XKR9: variants seen among roughly 807,000 people sequenced by gnomAD.
The protein encoded by XKR9 is XK related 9.
In XKR9, 32 loss-of-function variants were observed where a neutral mutation model predicts 32.0. The ratio of observed to expected loss-of-function variants is 1.00; its 90% confidence interval spans 0.76 to 1.34. The LOEUF (loss-of-function observed/expected upper bound fraction) is 1.34. Among genes scored for constraint, XKR9 ranks in the 40% most tolerant of loss-of-function variants. The probability of loss-of-function intolerance (pLI) is 0.00; values close to 1 mark genes in which losing one functional copy is unlikely to be tolerated. For missense variants in XKR9, 546 were observed against 429.7 expected, an observed-to-expected ratio of 1.27 and a Z score of -2.39; for synonymous variants, 168 against 143.4, an observed-to-expected ratio of 1.17 and a Z score of -1.22.
At chr8:70,686,304 C>T (rs911240562) in intron 3 of XKR9, among the ~76,000 whole-genome samples, 3 of 146,998 alleles carry the variant, frequency 2.0e-5, no homozygotes, top group Non-Finnish European at 4.5e-5. Flanking sequence ...TGCAGTGGTG[C>T]GGTCACAGGT....
chr8:70,734,417 T>G lies in XKR9; in HGVS notation c.1115T>G (p.Met372Arg). ...GAATGTAGAATGAGATATTTCCTAA[T>G]GGAATAAGCTATTCATTTATGATAT... ...LRECRMRYFL[M>R]E Residue 372 changes from methionine to arginine, a missense_variant, in exon 5 of 5, where the codon ATG becomes AGG. By Grantham distance (91) the Met-to-Arg change is moderately conservative. Coordinates refer to ENST00000408926, the MANE Select transcript of XKR9 (RefSeq NM_001011720.2). 6.4e-7 allele frequency: 1 copy of G among 1,557,720 alleles called. No individual in the cohort carries two copies. The highest frequency in any genetic ancestry group is 1.4e-5 in the African/African-American group (1 of 72,632).
the XKR9 span, among the ~76,000 whole-genome samples, chr8:70,870,493 T>C: frequency 6.6e-6 from 1 of 152,184 alleles, no homozygotes; most frequent in Non-Finnish European, 1.5e-5. Flanking sequence ...TTTCTTTGCT[T>C]CTTGTTGTTG....
At chr8:70,992,934 G>T in the XKR9 span, among the ~76,000 whole-genome samples, 1 of 152,186 alleles carries the variant, frequency 6.6e-6, no homozygotes, top group African/African-American at 2.4e-5. Context: ...CTGACAGAGG[G>T]TTTCTCCTGC....
rs1400066249 is a variant in XKR9, at chr8:70,734,371, G to C, written c.1069G>C (p.Asp357His). 2 of 1,609,578 alleles carry C rather than the reference G, an allele frequency of 1.2e-6. No individual in the cohort carries two copies. Among genetic ancestry groups the C allele is most frequent in the Admixed American group, 1.7e-5 (1 of 59,664 alleles). The part of the protein sequence containing the change: ...RSAETKCDEI[D>H]GKPVLRECRM... Reference sequence around the variant, plus strand: ...TGCAGAAACAAAATGTGATGAAATTGATGGAAAACCAGTTCTAAGAGAATG... The same window carrying C: ...TGCAGAAACAAAATGTGATGAAATTCATGGAAAACCAGTTCTAAGAGAATG... Residue 357 changes from aspartate (D) to histidine (H), a missense_variant, in exon 5 of 5, where the codon GAT (aspartate) becomes CAT (histidine). Asp to His is a moderately conservative substitution (Grantham distance 81). Transcript: ENST00000408926.
chr8:70,723,583 T>A (rs1212404921), intron 4 of XKR9, among the ~76,000 whole-genome samples: 1 of 152,214 alleles, frequency 6.6e-6, no homozygotes, highest in African/African-American at 2.4e-5. Context: ...CTTCTTCAGA[T>A]CTGCTGGAGT....
chr8:70,783,899 G>A (rs1807648725), intron 2 of XKR9, among the ~76,000 whole-genome samples: 1 of 152,080 alleles, frequency 6.6e-6, no homozygotes, highest in Non-Finnish European at 1.5e-5. Context: ...TTTGAGATAA[G>A]GGTTCAATTT....
At chr8:71,065,199 T>C in the XKR9 span, among the ~76,000 whole-genome samples, 1 of 152,138 alleles carries the variant, frequency 6.6e-6, no homozygotes, top group Non-Finnish European at 1.5e-5. Flanking sequence ...ATTTCATATA[T>C]TGGAGTCCTA....
the XKR9 span, among the ~76,000 whole-genome samples, chr8:70,867,865 G>T: frequency 6.6e-5 from 10 of 152,204 alleles, no homozygotes; most frequent in African/African-American, 2.4e-4. Context: ...TCAAGAGCAG[G>T]TTAGTTACTT....
At chr8:70,861,777 T>A in the XKR9 span, among the ~76,000 whole-genome samples, 2 of 152,214 alleles carry the variant, frequency 1.3e-5, no homozygotes, top group African/African-American at 2.4e-5. Flanking sequence ...GCTGTTCAAC[T>A]ATTGATCTGT....
the XKR9 span, among the ~76,000 whole-genome samples, chr8:70,986,460 G>T: frequency 1.3e-5 from 2 of 152,166 alleles, no homozygotes; most frequent in Admixed American, 1.3e-4. Flanking sequence ...GATGTGTTTT[G>T]TTCCTTGACC....
At chr8:70,809,525 C>T in the XKR9 span, among the ~76,000 whole-genome samples, 1,239 of 152,102 alleles carry the variant, frequency 8.1e-3, 41 homozygotes, top group Admixed American at 0.066. Flanking sequence ...GAGCCCATGG[C>T]GAAGAAGTTA....
chr8:70,831,282 C>T, the XKR9 span, among the ~76,000 whole-genome samples: 2 of 119,302 alleles, frequency 1.7e-5, no homozygotes, highest in Non-Finnish European at 3.4e-5. Flanking sequence ...CAGAGCTAGA[C>T]TCTGTCTCAA....
the XKR9 span, among the ~76,000 whole-genome samples, chr8:71,012,969 A>T: frequency 8.5e-5 from 13 of 152,124 alleles, no homozygotes; most frequent in Non-Finnish European, 1.6e-4. Flanking sequence ...TCCCTTCATA[A>T]CACAAGCCAG....
the XKR9 span, among the ~76,000 whole-genome samples, chr8:70,819,432 A>G: frequency 2.0e-5 from 3 of 152,202 alleles, no homozygotes; most frequent in African/African-American, 7.2e-5. Flanking sequence ...GAGGGATGAG[A>G]CTGTGTTTCC....
At chr8:70,776,947 C>CTCTCTATATATATATATATATATATA in intron 2 of XKR9, among the ~76,000 whole-genome samples, 5 of 54,212 alleles carry the variant, frequency 9.2e-5, no homozygotes, top group African/African-American at 4.0e-4. Context: ...CTCTCTCTCT[C>CTCTCTATATATATATATATATATATA]TATATATATA....
At chr8:70,691,575 C>T (rs754328115) in intron 3 of XKR9, among the ~76,000 whole-genome samples, 2 of 152,014 alleles carry the variant, frequency 1.3e-5, no homozygotes, top group Non-Finnish European at 2.9e-5. Flanking sequence ...AATCTGTATT[C>T]AGTTGATTTT....
chr8:70,700,399 C>T (rs1322495042), intron 3 of XKR9, among the ~76,000 whole-genome samples: 2 of 152,176 alleles, frequency 1.3e-5, no homozygotes, highest in African/African-American at 2.4e-5. Context: ...TTCCTTCTGA[C>T]AGACAGGACC....
the XKR9 span, among the ~76,000 whole-genome samples, chr8:70,848,237 C>A: frequency 1.0e-3 from 154 of 151,996 alleles, no homozygotes; most frequent in Non-Finnish European, 1.9e-3. Flanking sequence ...TCAACAGATA[C>A]CACAAAAATA....
the XKR9 span, among the ~76,000 whole-genome samples, chr8:70,853,884 T>G: frequency 1.3e-5 from 2 of 152,192 alleles, no homozygotes; most frequent in African/African-American, 4.8e-5. Context: ...TGCATAGTAT[T>G]CCATGGTGTA....
Sources: gnomAD v4.1 joint callset for allele counts (sites outside exome capture counted in the v4.1 genomes callset) on GRCh38, gnomAD v4.1.1 for gene constraint, MANE v1.5 for transcripts, NCBI Gene and HGNC (gene_info 2026-07-23, HGNC 2026-07-21) for gene names.